Variants in EPM2AIP1 observed in about 807,000 individuals in gnomAD.
EPM2AIP1 encodes EPM2A interacting protein 1.
Under a neutral mutation model 44.8 loss-of-function variants are expected in EPM2AIP1, and 23 were observed. The ratio of observed to expected loss-of-function variants is 0.51; its 90% CI spans 0.37 to 0.73. The LOEUF (loss-of-function observed/expected upper bound fraction) is 0.73, where lower values mean the gene tolerates loss of function less well. EPM2AIP1 is among the 30% of genes least tolerant of loss of function. The pLI is 0.00. For missense variants in EPM2AIP1, 652 were observed against 743.9 expected (o/e 0.88, Z 1.44); for synonymous variants, 311 against 284.3 (o/e 1.09, Z -0.94).
rs2080773989 is a variant in EPM2AIP1 at position 36,987,153 on chromosome 3, G to C, written c.*4101C>G. 1 of 152,538 alleles carries C rather than the reference G, an allele frequency of 6.6e-6. No individual in the cohort carries two copies. Among genetic ancestry groups the C allele is most frequent in the African/African-American group, 2.4e-5 (1 of 41,408 alleles). 9.4% of individuals were successfully genotyped at this position (152,538 alleles called of 1,614,324 possible). A position where few individuals can be genotyped will look rare whatever the true frequency, so the allele number is the denominator to read the frequency against. On this transcript the variant is annotated 3_prime_UTR_variant, in exon 1 of 1. Coordinates refer to ENST00000322716, the MANE Select transcript of EPM2AIP1 (RefSeq NM_014805.4). ...TAAAAACAAGTGAACTGAATATATA[G>C]TGACCAGAAGGGCTGAGTCAGTCTT...
At position 36,993,063 on chromosome 3, in the gene EPM2AIP1, G is replaced by C. The variant is rs774913609; in HGVS notation, c.15C>G (p.Pro5=). 1 of 1,605,738 alleles carries C rather than the reference G, an allele frequency of 6.2e-7. No homozygotes were observed. Among genetic ancestry groups the C allele is most frequent in the Admixed American group, 1.7e-5 (1 of 59,540 alleles). The change falls in exon 1 of 1, where the codon CCC becomes CCG. Residue 5 remains proline (P), a synonymous_variant. Transcript: ENST00000322716. MWMT[P]KRSKMEVDEA... is the part of the protein sequence containing the mutation. ...CGTCGACTTCCATCTTGCTTCTTTT[G>C]GGCGTCATCCACATTCTGCGGGAGG...
chr3:36,991,619 G>T lies in EPM2AIP1; in HGVS notation c.1459C>A (p.Leu487Ile), dbSNP rs1232910733. The T allele has an allele frequency of 2.5e-6, 4 of 1,613,360 alleles. No individual in the cohort carries two copies. The Admixed American group carries it at 6.7e-5, about 27-fold the overall frequency. The change falls in exon 1 of 1, where the codon CTT becomes ATT. Residue 487 changes from leucine (L) to isoleucine (I), a missense_variant. Transcript: ENST00000322716. ...TTAAAGTTAAATGGATTTGAAAAAA[G>T]TTCTAAGTCCTTTTTAATGAACCTG... The part of the protein sequence containing the change: ...DLRFIKKDLE[L>I]FSNPFNFKPE...
In EPM2AIP1 at chr3:36,988,021, G is replaced by T. The variant is rs1053173848; in HGVS notation, c.*3233C>A. The T allele has an allele frequency of 2.6e-5, 4 of 152,172 alleles. No homozygotes were observed. Among genetic ancestry groups the T allele is most frequent in the Non-Finnish European group, 5.9e-5 (4 of 68,042 alleles). 9.4% of individuals were successfully genotyped at this position (152,172 alleles called of 1,614,324 possible). A position where few individuals can be genotyped will look rare whatever the true frequency, so the allele number is the denominator to read the frequency against. ...AATAAAGTGTGCCAAGTGTATGTCT[G>T]GGAAAGAACAGGGTGTATAGGGAAT... On this transcript the variant is annotated 3_prime_UTR_variant, in exon 1 of 1. Transcript: ENST00000322716.
Position 36,992,750 on chromosome 3 carries a change from AG to A in EPM2AIP1, c.327del (p.Leu110Ter), listed in dbSNP as rs754606287. On this transcript the variant is annotated frameshift_variant, in exon 1 of 1. Transcript: ENST00000322716. LOFTEE classifies it high-confidence loss of function. The surrounding 1 kb of genome is among the most constrained non-coding windows in gnomAD (Gnocchi z 5.3). ...RAGLGLCRLL[A>X]LKGRGWGEGD... ...CCCTCACCCCAGCCGCGACCCTTCA[AG>A]GCCAAGAGGCGGCAGAGCCCGAGGC... is the stretch of plus-strand genomic sequence containing the variant. 1 of 1,613,876 alleles carries A rather than the reference AG, an allele frequency of 6.2e-7. No homozygotes were observed. The highest frequency in any genetic ancestry group is 2.2e-5 in the East Asian group (1 of 44,874).
rs1190926371 is a variant in EPM2AIP1, at chr3:36,993,031, A to G, written c.47T>C (p.Leu16Pro). 7 of 1,611,678 alleles carry G rather than the reference A, an allele frequency of 4.3e-6. No individual in the cohort carries two copies. The highest frequency in any genetic ancestry group is 5.9e-6 in the Non-Finnish European group (7 of 1,178,980). ...CTGGGTCCACTCGGGCCGGAAAACT[A>G]GAGCCTCGTCGACTTCCATCTTGCT... The part of the protein sequence containing the change: ...KRSKMEVDEA[L>P]VFRPEWTQRY... Residue 16 changes from leucine (L) to proline (P), a missense_variant, in exon 1 of 1, where the codon CTA becomes CCA. Leu to Pro is a moderately conservative substitution (Grantham distance 98). Transcript: ENST00000322716.
Position 36,992,569 on chromosome 3 carries a change from C to A in EPM2AIP1, c.509G>T (p.Arg170Met). ...NLRNQLFNRA[R>M]DFKAYSLALD... ...GGCAAGAGAATAGGCTTTAAAGTCC[C>A]TGGCTCGGTTAAAAAGCTGGTTGCG... Residue 170 changes from arginine (R) to methionine (M), a missense_variant, in exon 1 of 1, where the codon AGG (arginine) becomes ATG (methionine). Transcript: ENST00000322716. The surrounding 1 kb of genome is among the most constrained non-coding windows in gnomAD (Gnocchi z 5.3). 1 of 1,614,042 alleles carries A rather than the reference C, an allele frequency of 6.2e-7. No homozygotes were observed. Among genetic ancestry groups the A allele is most frequent in the Non-Finnish European group, 8.5e-7 (1 of 1,179,900 alleles).
Position 36,990,899 on chromosome 3 carries a change from C to A in EPM2AIP1, c.*355G>T. 1 of 1,000,836 alleles carries A rather than the reference C, an allele frequency of 1.0e-6. No homozygotes were observed. Among genetic ancestry groups the A allele is most frequent in the Non-Finnish European group, 1.2e-6 (1 of 839,200 alleles). 62.0% of individuals were successfully genotyped at this position (1,000,836 alleles called of 1,614,324 possible). A position where few individuals can be genotyped will look rare whatever the true frequency, so the allele number is the denominator to read the frequency against. On this transcript the variant is annotated 3_prime_UTR_variant, in exon 1 of 1. Transcript: ENST00000322716. ...GACTATATGAATCAGAATTTTAACA[C>A]TCCATTAAAATAAGAGCTGAAATTT...
At position 36,993,126 on chromosome 3, in the gene EPM2AIP1, G is replaced by C. The variant is rs182195612; in HGVS notation, c.-49C>G. 6.5e-7 allele frequency: 1 copy of C among 1,547,798 alleles called. No individual in the cohort carries two copies. The highest frequency in any genetic ancestry group is 1.4e-5 in the African/African-American group (1 of 72,862). On this transcript the variant is annotated 5_prime_UTR_variant, in exon 1 of 1. Transcript: ENST00000322716. ...GGCCAACGTTAGAAAGGCCGCAAGG[G>C]GAGAGGAGGAGCCTGAGAAGCGCCA...
At position 36,989,902 on chromosome 3, in the gene EPM2AIP1, C is replaced by T. The variant is rs1409121551; in HGVS notation, c.*1352G>A. The T allele has an allele frequency of 6.6e-6, 1 of 152,162 alleles. No individual in the cohort carries two copies. Among genetic ancestry groups the T allele is most frequent in the Non-Finnish European group, 1.5e-5 (1 of 68,022 alleles). 9.4% of individuals were successfully genotyped at this position (152,162 alleles called of 1,614,324 possible). A position where few individuals can be genotyped will look rare whatever the true frequency, so the allele number is the denominator to read the frequency against. On this transcript the variant is annotated 3_prime_UTR_variant, in exon 1 of 1. Transcript: ENST00000322716. ...CATCAATTCCACCTAAATTCTTAGT[C>T]ATAGCCTGGTTCCTTGAATTTGCTG...
chr3:36,990,943 A>G lies in EPM2AIP1; in HGVS notation c.*311T>C. 1 of 1,031,428 alleles carries G rather than the reference A, an allele frequency of 9.7e-7. No individual in the cohort carries two copies. Among genetic ancestry groups the G allele is most frequent in the Non-Finnish European group, 1.2e-6 (1 of 859,570 alleles). 63.9% of individuals were successfully genotyped at this position (1,031,428 alleles called of 1,614,324 possible). ...GAAATTTTTGGCATTTATCTTCAGAACACCTAAAAAACAGACTGCAAATTC... is the reference window on the plus strand; with the variant it reads ...GAAATTTTTGGCATTTATCTTCAGAGCACCTAAAAAACAGACTGCAAATTC... On this transcript the variant is annotated 3_prime_UTR_variant, in exon 1 of 1. Transcript: ENST00000322716.
Position 36,990,878 on chromosome 3 carries a change from A to G in EPM2AIP1, c.*376T>C, listed in dbSNP as rs1575365851. 1 of 994,698 alleles carries G rather than the reference A, an allele frequency of 1.0e-6. No homozygotes were observed. Among genetic ancestry groups the G allele is most frequent in the Non-Finnish European group, 1.2e-6 (1 of 835,108 alleles). 61.6% of individuals were successfully genotyped at this position (994,698 alleles called of 1,614,324 possible). On this transcript the variant is annotated 3_prime_UTR_variant, in exon 1 of 1. Transcript: ENST00000322716. ...TTTAAGGAGTTGATAATTTAAGACTATATGAATCAGAATTTTAACACTCCA... is the reference window on the plus strand; with the variant it reads ...TTTAAGGAGTTGATAATTTAAGACTGTATGAATCAGAATTTTAACACTCCA...
Position 36,992,456 on chromosome 3 carries a change from G to A in EPM2AIP1, c.622C>T (p.Leu208Phe). The A allele has an allele frequency of 6.2e-7, 1 of 1,613,986 alleles. No individual in the cohort carries two copies. Among genetic ancestry groups the A allele is most frequent in the Non-Finnish European group, 8.5e-7 (1 of 1,179,894 alleles). Residue 208 changes from leucine to phenylalanine, a missense_variant, in exon 1 of 1, where the codon CTT (leucine) becomes TTT (phenylalanine). Coordinates refer to ENST00000322716, the MANE Select transcript of EPM2AIP1 (RefSeq NM_014805.4). The surrounding 1 kb of genome is among the most constrained non-coding windows in gnomAD (Gnocchi z 5.3). Reference protein sequence around the residue: ...VGPELEVQEDLLTIINLTHHF... With the variant: ...VGPELEVQEDFLTIINLTHHF... The stretch of plus-strand genomic sequence containing the variant: ...TGAGTCAGGTTGATTATGGTCAGAA[G>A]ATCTTCTTGCACCTCCAACTCAGGG...
Position 36,992,884 on chromosome 3 carries a change from T to C in EPM2AIP1, c.194A>G (p.Tyr65Cys). The change falls in exon 1 of 1, where the codon TAC becomes TGC. Residue 65 changes from tyrosine to cysteine, a missense_variant. Tyr to Cys is a radical substitution (Grantham distance 194). Transcript: ENST00000322716. The surrounding 1 kb of genome is among the most constrained non-coding windows in gnomAD (Gnocchi z 5.3). The part of the protein sequence containing the change: ...RRHYEAEHEY[Y>C]ERYVADGERA... ...CTCGCCGTCCGCCACATACCGCTCG[T>C]AGTATTCGTGCTCAGCCTCGTAGTG... 1.2e-6 allele frequency: 2 copies of C among 1,611,824 alleles called. No homozygotes were observed. Among genetic ancestry groups the C allele is most frequent in the East Asian group, 2.2e-5 (1 of 44,878 alleles).
At position 36,987,733 on chromosome 3, in the gene EPM2AIP1, A is replaced by C. The variant is rs939575865; in HGVS notation, c.*3521T>G. The stretch of plus-strand genomic sequence containing the variant: ...AATACAACGAGGTCCCTAGTTACAA[A>C]GAACTTGTCTTCATTTTTCAATTAG... On this transcript the variant is annotated 3_prime_UTR_variant, in exon 1 of 1. Coordinates refer to ENST00000322716, the MANE Select transcript of EPM2AIP1 (RefSeq NM_014805.4). 1 of 152,236 alleles carries C rather than the reference A, an allele frequency of 6.6e-6. No homozygotes were observed. The highest frequency in any genetic ancestry group is 1.9e-4 in the East Asian group (1 of 5,206). The allele number at this position is 152,236 out of a possible 1,614,324, so 9.4% of individuals were successfully genotyped here.
chr3:36,986,209 C>T lies in EPM2AIP1; in HGVS notation c.*5045G>A, dbSNP rs1575363219. On this transcript the variant is annotated 3_prime_UTR_variant, in exon 1 of 1. Coordinates refer to ENST00000322716, the MANE Select transcript of EPM2AIP1 (RefSeq NM_014805.4). ...AAGGTGAAACTGCCCCTTGAGATAA[C>T]CTGAAAGGCAGATCATCTACCCTTT... 1 of 152,246 alleles carries T rather than the reference C, an allele frequency of 6.6e-6. No individual in the cohort carries two copies. The highest frequency in any genetic ancestry group is 1.5e-5 in the Non-Finnish European group (1 of 68,010). The allele number at this position is 152,246 out of a possible 1,614,324, so 9.4% of individuals were successfully genotyped here.
rs139834071 is a variant in EPM2AIP1, at chr3:36,986,695, T to C, written c.*4559A>G. The C allele has an allele frequency of 5.0e-3, 743 of 149,960 alleles. 8 individuals are homozygous for C. Among genetic ancestry groups the C allele is most frequent in the Middle Eastern group, 0.039 (11 of 280 alleles). 9.3% of individuals were successfully genotyped at this position (149,960 alleles called of 1,614,324 possible). On this transcript the variant is annotated 3_prime_UTR_variant, in exon 1 of 1. Transcript: ENST00000322716. Reference sequence around the variant, plus strand: ...TACTTAGGAGGCTGCAGTGGGAGAATTGCTTGAGCCAGGAAGGCAGAGATT... The same window carrying C: ...TACTTAGGAGGCTGCAGTGGGAGAACTGCTTGAGCCAGGAAGGCAGAGATT...
chr3:36,987,460 T>TGA lies in EPM2AIP1; in HGVS notation c.*3792_*3793dup, dbSNP rs1184885413. Reference sequence around the variant, plus strand: ...AAAAAAAAAAATATATATATATATATGACACTGTTTACAAAGGGTAAAAAA... The same window carrying TGA: ...AAAAAAAAAAATATATATATATATATGAGACACTGTTTACAAAGGGTAAAAAA... On this transcript the variant is annotated 3_prime_UTR_variant, in exon 1 of 1. Transcript: ENST00000322716. The TGA allele has an allele frequency of 6.0e-5, 9 of 148,852 alleles. No individual in the cohort carries two copies. Among genetic ancestry groups the TGA allele is most frequent in the East Asian group, 3.9e-4 (2 of 5,136 alleles). 9.2% of individuals were successfully genotyped at this position (148,852 alleles called of 1,614,324 possible).
chr3:36,988,400 C>T lies in EPM2AIP1; in HGVS notation c.*2854G>A, dbSNP rs1187757027. The T allele has an allele frequency of 6.6e-6, 1 of 152,008 alleles. No individual in the cohort carries two copies. The highest frequency in any genetic ancestry group is 1.5e-5 in the Non-Finnish European group (1 of 68,008). 9.4% of individuals were successfully genotyped at this position (152,008 alleles called of 1,614,324 possible). ...ATGAGAGGAGGAGCAGGATTGGGGG[C>T]AAGATCAATGACATGTAGTGCCTGA... On this transcript the variant is annotated 3_prime_UTR_variant, in exon 1 of 1. Transcript: ENST00000322716.
In EPM2AIP1 at chr3:36,992,016, T is replaced by C. The variant is rs778457036; in HGVS notation, c.1062A>G (p.Leu354=). 2 of 1,613,942 alleles carry C rather than the reference T, an allele frequency of 1.2e-6. No homozygotes were observed. Among genetic ancestry groups the C allele is most frequent in the South Asian group, 1.1e-5 (1 of 91,078 alleles). ...CCAAGAACGCTTCCATTTCTTTTCTTAGAGAGAATATTAGTTTTAAAGTTT... is the reference window on the plus strand; with the variant it reads ...CCAAGAACGCTTCCATTTCTTTTCTCAGAGAGAATATTAGTTTTAAAGTTT... ...RGKTLKLIFS[L]RKEMEAFLVS... is the part of the protein sequence containing the mutation. Residue 354 remains leucine (L), a synonymous_variant, in exon 1 of 1, where the codon CTA becomes CTG. Coordinates refer to ENST00000322716, the MANE Select transcript of EPM2AIP1 (RefSeq NM_014805.4). The surrounding 1 kb of genome is among the most constrained non-coding windows in gnomAD (Gnocchi z 5.3).
Sources: gnomAD v4.1 joint callset for allele counts on GRCh38, gnomAD v4.1.1 for gene constraint, Gnocchi (gnomAD v3.1) non-coding constraint, MANE v1.5 for transcripts, NCBI Gene and HGNC (gene_info 2026-07-23, HGNC 2026-07-21) for gene names.